TMEM87B: variants seen among roughly 807,000 people sequenced by gnomAD.
The protein encoded by TMEM87B is transmembrane protein 87B.
Under a neutral mutation model 80.3 loss-of-function variants are expected in TMEM87B, and 83 were observed. The ratio of observed to expected loss-of-function variants is 1.03; its 90% CI spans 0.87 to 1.24. The LOEUF is 1.24. Ranked by LOEUF, TMEM87B falls within the 50% of genes most tolerant of loss-of-function variation. The pLI, the probability that TMEM87B is intolerant of heterozygous loss-of-function variation, is 0.00. For synonymous variants in TMEM87B, 219 were observed against 230.5 expected, an observed-to-expected ratio of 0.95 and a Z score of 0.45; for missense variants, 625 against 674.4, an observed-to-expected ratio of 0.93 and a Z score of 0.81.
intron 5 of TMEM87B, among the ~76,000 whole-genome samples, chr2:112,076,842 T>TTGTG (rs70962982): frequency 0.11 from 15,682 of 138,742 alleles, 1,124 homozygotes; most frequent in Admixed American, 0.18. Context: ...CTTTTCTGTT[T>TTGTG]TGTGTGTGTG....
At chr2:112,081,591 A>AGGCCCC in intron 8 of TMEM87B, 73 bp downstream of exon 8, 1 of 1,367,952 alleles carries the variant, frequency 7.3e-7, no homozygotes. Flanking sequence ...GAGCAGTGGG[A>AGGCCCC]GGCCCCCTTC....
At chr2:112,079,536 C>T (rs1051873019) in intron 6 of TMEM87B, among the ~76,000 whole-genome samples, 3 of 152,130 alleles carry the variant, frequency 2.0e-5, no homozygotes, top group Admixed American at 1.3e-4. Flanking sequence ...ACCTTGATTC[C>T]ATAACTTAGC....
Position 112,116,097 on chromosome 2 carries a change from G to C in TMEM87B, c.1622G>C (p.Arg541Thr). 1 of 1,612,534 alleles carries C rather than the reference G, an allele frequency of 6.2e-7. No individual in the cohort carries two copies. Among genetic ancestry groups the C allele is most frequent in the South Asian group, 1.1e-5 (1 of 90,920 alleles). ...TTTTTTCTTCAGGAAATCATGACCA[G>C]ATCTGAAATGGCTGAAAAAATGTTC... ...LVDSDEEIMT[R>T]SEMAEKMFSS... Residue 541 changes from arginine to threonine, a missense_variant, in exon 19 of 19, where the codon AGA becomes ACA. Transcript: ENST00000283206.
rs958313661 is a variant in TMEM87B at position 112,096,324 on chromosome 2, C to T, written c.1105-720C>T. ...AGAATCTGCAGACCTCAGGAAAAGA[C>T]ATTCCCTCATCGGTGTGTCTAGTCC... On this transcript the variant is annotated intron_variant, in intron 11 of 18. Coordinates refer to ENST00000283206, the MANE Select transcript of TMEM87B (RefSeq NM_032824.3). 3.3e-5 allele frequency among the ~76,000 whole-genome samples: 5 copies of T among 152,164 alleles called. No homozygotes were observed. In the South Asian group the frequency reaches 6.2e-4, roughly 19 times the overall value.
chr2:112,108,939 G>C (rs1266546984), intron 17 of TMEM87B, among the ~76,000 whole-genome samples: 1 of 152,100 alleles, frequency 6.6e-6, no homozygotes. Context: ...CAATATATGA[G>C]GGTTCCAACT....
chr2:112,063,682 C>T (rs1262569370), intron 2 of TMEM87B, among the ~76,000 whole-genome samples: 1 of 152,212 alleles, frequency 6.6e-6, no homozygotes, highest in African/African-American at 2.4e-5. Flanking sequence ...TGATAGGTGA[C>T]CTGCTCAGTG....
intron 10 of TMEM87B, among the ~76,000 whole-genome samples, chr2:112,090,728 G>A (rs1679275176): frequency 2.0e-5 from 3 of 152,170 alleles, no homozygotes; most frequent in African/African-American, 7.2e-5. Flanking sequence ...ACCACTCATG[G>A]TTGCTTCAGT....
intron 17 of TMEM87B, 59 bp from the exon 18 acceptor site, chr2:112,112,840 G>A (rs1483371575): frequency 3.9e-6 from 6 of 1,542,260 alleles, no homozygotes; most frequent in Middle Eastern, 1.7e-4. Flanking sequence ...TTCGGCTTTC[G>A]TGGATACACT....
At chr2:112,096,339 G>C (rs550027082) in intron 11 of TMEM87B, among the ~76,000 whole-genome samples, 40 of 152,128 alleles carry the variant, frequency 2.6e-4, no homozygotes, top group Non-Finnish European at 4.9e-4. Flanking sequence ...CCTCATCGGT[G>C]TGTCTAGTCC....
chr2:112,112,055 C>T (rs1337408609), intron 17 of TMEM87B, among the ~76,000 whole-genome samples: 1 of 152,130 alleles, frequency 6.6e-6, no homozygotes, highest in Non-Finnish European at 1.5e-5. Context: ...GCCTTGCCTC[C>T]TTCCTCACAC....
chr2:112,100,976 A>G (rs745947621), intron 15 of TMEM87B, among the ~76,000 whole-genome samples: 1 of 152,140 alleles, frequency 6.6e-6, no homozygotes, highest in Non-Finnish European at 1.5e-5. Flanking sequence ...CTTAGCTGCT[A>G]AATAATGTTC....
In TMEM87B at chr2:112,055,653, C is replaced by T. The variant is rs765715924; in HGVS notation, c.62C>T (p.Ala21Val). The T allele has an allele frequency of 3.3e-5, 52 of 1,571,880 alleles. No homozygotes were observed. In the South Asian group the frequency reaches 5.8e-4, roughly 17 times the overall value. ...LLPRRRRCFP[A>V]RAPLLRVALC... is the part of the protein sequence containing the mutation. ...CCACGCCGCCGCCGCTGCTTTCCCG[C>T]CCGGGCCCCGCTGCTGCGCGTCGCC... Residue 21 changes from alanine to valine, a missense_variant, in exon 1 of 19, where the codon GCC becomes GTC. Transcript: ENST00000283206.
intron 1 of TMEM87B, among the ~76,000 whole-genome samples, chr2:112,057,892 A>G (rs1224083156): frequency 6.6e-6 from 1 of 150,426 alleles, no homozygotes. Flanking sequence ...CAGTGGCACA[A>G]TCTTGGCTCA....
At chr2:112,064,619 G>A (rs570693624) in intron 3 of TMEM87B, among the ~76,000 whole-genome samples, 6 of 152,346 alleles carry the variant, frequency 3.9e-5, no homozygotes, top group Admixed American at 2.6e-4. Context: ...GTGAGCACAA[G>A]TAGATCGCAG....
intron 15 of TMEM87B, among the ~76,000 whole-genome samples, chr2:112,105,570 A>G (rs541261476): frequency 7.5e-4 from 114 of 152,334 alleles, no homozygotes; most frequent in African/African-American, 2.5e-3. Flanking sequence ...AGAAATCTTG[A>G]TCTTTCCTAT....
In TMEM87B at chr2:112,072,036, T is replaced by C. The variant is rs188647887; in HGVS notation, c.451-2876T>C. On this transcript the variant is annotated intron_variant, in intron 4 of 18. Coordinates refer to ENST00000283206, the MANE Select transcript of TMEM87B (RefSeq NM_032824.3). ...AAAGCCTTTTCTGTATCTATTGAGA[T>C]GATCATGTGGTTTCTGTCTTTAATT... Among the ~76,000 whole-genome samples, 269 of 152,352 alleles carry C rather than the reference T, an allele frequency of 1.8e-3. 3 individuals carry two copies. Among genetic ancestry groups the C allele is most frequent in the Non-Finnish European group, 1.2e-3 (82 of 68,034 alleles).
chr2:112,084,269 A>C (rs562282483), intron 8 of TMEM87B, among the ~76,000 whole-genome samples: 1 of 152,096 alleles, frequency 6.6e-6, no homozygotes, highest in African/African-American at 2.4e-5. Context: ...GTGATGATAA[A>C]CCCCTTCTTT....
chr2:112,071,518 G>C (rs1028987087), intron 4 of TMEM87B, among the ~76,000 whole-genome samples: 1 of 151,860 alleles, frequency 6.6e-6, no homozygotes, highest in Admixed American at 6.6e-5. Context: ...TGTTGGCCAG[G>C]CTGCTCTCAA....
chr2:112,080,030 A>G (rs531746472), intron 6 of TMEM87B, among the ~76,000 whole-genome samples: 14 of 137,294 alleles, frequency 1.0e-4, no homozygotes, highest in African/African-American at 3.6e-4. Flanking sequence ...CCTGGGTTCA[A>G]GTGATTCTCC....
Sources: gnomAD v4.1 joint callset for allele counts (sites outside exome capture counted in the v4.1 genomes callset) on GRCh38, gnomAD v4.1.1 for gene constraint, MANE v1.5 for transcripts, NCBI Gene and HGNC (gene_info 2026-07-23, HGNC 2026-07-21) for gene names.